Variants in TENT5D observed in about 807,000 individuals in gnomAD.
TENT5D encodes the protein cancer/testis antigen 112.
For missense variants in TENT5D, 191 were observed against 287.0 expected (o/e 0.67, Z 2.42); for synonymous variants, 103 against 100.6 (o/e 1.02, Z -0.15).
chrX:80,385,933 G>A (rs1930989295), intron 3 of TENT5D, among the ~76,000 whole-genome samples: 2 of 112,175 alleles, frequency 1.8e-5, no homozygotes, highest in South Asian at 7.4e-4. Flanking sequence ...ACAGGTGCTG[G>A]AGAGGATGTG....
At chrX:80,387,726 G>A (rs1436539493) in intron 3 of TENT5D, among the ~76,000 whole-genome samples, 4 of 110,804 alleles carry the variant, frequency 3.6e-5, no homozygotes, top group Non-Finnish European at 5.7e-5. Flanking sequence ...ACCCAAGGCC[G>A]AGTATAACCA....
intron 3 of TENT5D, among the ~76,000 whole-genome samples, chrX:80,411,455 A>T (rs1239793624): frequency 8.9e-6 from 1 of 111,768 alleles, no homozygotes; most frequent in South Asian, 3.7e-4. Context: ...GTTTTATTTT[A>T]GGACAAAAAT....
At chrX:80,352,266 C>T (rs1026835682) in intron 3 of TENT5D, among the ~76,000 whole-genome samples, 1 of 111,654 alleles carries the variant, frequency 9.0e-6, no homozygotes, top group African/African-American at 3.3e-5. Flanking sequence ...ACGCCCACAG[C>T]CCCCGCTTCC....
intron 3 of TENT5D, among the ~76,000 whole-genome samples, chrX:80,359,027 T>C (rs1341315559): frequency 1.8e-5 from 2 of 112,096 alleles, no homozygotes; most frequent in Non-Finnish European, 3.8e-5. Context: ...AGTAAACATT[T>C]ATGCTGCCAA....
intron 3 of TENT5D, among the ~76,000 whole-genome samples, chrX:80,373,645 T>A (rs924426002): frequency 1.7e-4 from 19 of 111,070 alleles, no homozygotes; most frequent in African/African-American, 6.2e-4. Flanking sequence ...CTATTCCTCT[T>A]GGTTAATCCT....
chrX:80,406,169 T>G (rs949974988), intron 3 of TENT5D, among the ~76,000 whole-genome samples: 4 of 111,339 alleles, frequency 3.6e-5, no homozygotes, highest in Non-Finnish European at 7.5e-5. Context: ...ACAGAAAAAC[T>G]GGAAACTCTA....
At chrX:80,352,720 CAAAAAAAAAAAAA>C (rs1189877322) in intron 3 of TENT5D, among the ~76,000 whole-genome samples, 6 of 19,915 alleles carry the variant, frequency 3.0e-4, no homozygotes, top group Non-Finnish European at 4.9e-4. Context: ...AGCAAACAAA[CAAAAAAAAAAAAA>C]AAAAAAAAAA....
At chrX:80,438,128 G>T (rs1001021910) in intron 1 of TENT5D, among the ~76,000 whole-genome samples, 3 of 111,009 alleles carry the variant, frequency 2.7e-5, no homozygotes, top group African/African-American at 9.8e-5. Context: ...GAGGGACTAG[G>T]AACTGCTATT....
intron 1 of TENT5D, among the ~76,000 whole-genome samples, chrX:80,431,561 A>T (rs1211681501): frequency 1.8e-5 from 2 of 112,273 alleles, no homozygotes; most frequent in Non-Finnish European, 3.8e-5. Context: ...TGGACAATTT[A>T]CAAAAGGAAG....
intron 2 of TENT5D, among the ~76,000 whole-genome samples, 172 bp downstream of exon 2, chrX:80,438,904 T>C (rs1017526313): frequency 9.0e-6 from 1 of 111,455 alleles, no homozygotes; most frequent in Non-Finnish European, 1.9e-5. Flanking sequence ...CATAGTCTTT[T>C]GTGATATCTT....
At chrX:80,374,863 A>G (rs1602508305) in intron 3 of TENT5D, among the ~76,000 whole-genome samples, 1 of 111,018 alleles carries the variant, frequency 9.0e-6, no homozygotes, top group Admixed American at 9.7e-5. Context: ...AAGCATCCTA[A>G]ATCTGAAAAT....
chrX:80,444,374 A>G (rs895748090), exon 3 of TENT5D: 1 of 122,567 alleles, frequency 8.2e-6, no homozygotes, highest in East Asian at 2.8e-4. Flanking sequence ...TCATCTATAT[A>G]ATAAAACATT....
intron 3 of TENT5D, among the ~76,000 whole-genome samples, chrX:80,404,331 C>CT (rs1931441265): frequency 9.0e-6 from 1 of 111,536 alleles, no homozygotes; most frequent in South Asian, 3.7e-4. Flanking sequence ...CCAGTTAAAT[C>CT]TGTCTCTCAA....
chrX:80,439,660 G>C (rs1932243009), intron 2 of TENT5D, among the ~76,000 whole-genome samples: 1 of 110,721 alleles, frequency 9.0e-6, no homozygotes, highest in South Asian at 3.7e-4. Context: ...GATTATTCAT[G>C]TTAATAGAGG....
In TENT5D at chrX:80,408,584, G is replaced by T. The variant is rs1159577294; in HGVS notation, c.-141-30026G>T. 3.7e-3 allele frequency among the ~76,000 whole-genome samples: 409 copies of T among 110,378 alleles called. 1 individual carries two copies. The highest frequency in any genetic ancestry group is 6.5e-3 in the Non-Finnish European group (340 of 52,612). ...ATCTCTGAATAGACCAATAACACGA[G>T]CTGAAATTGTGGCAATAATCAATAG... On this transcript the variant is annotated intron_variant, in intron 3 of 4. Coordinates refer to the TENT5D transcript ENST00000538312.
At chrX:80,411,136 C>G (rs1338377159) in intron 3 of TENT5D, among the ~76,000 whole-genome samples, 1 of 103,632 alleles carries the variant, frequency 9.6e-6, no homozygotes, top group Non-Finnish European at 2.0e-5. Context: ...GGAGATATAC[C>G]TAATGCTGGA....
At chrX:80,349,603 T>A (rs1569355703) in intron 3 of TENT5D, among the ~76,000 whole-genome samples, 1 of 111,101 alleles carries the variant, frequency 9.0e-6, no homozygotes, top group Admixed American at 9.6e-5. Flanking sequence ...AAAAACAAGC[T>A]CCTGGAATCA....
At chrX:80,352,392 C>T (rs1294351640) in intron 3 of TENT5D, among the ~76,000 whole-genome samples, 1 of 111,525 alleles carries the variant, frequency 9.0e-6, no homozygotes, top group African/African-American at 3.3e-5. Context: ...GGCAATCTGG[C>T]CATAGCCGCT....
At chrX:80,371,852 A>G (rs1271722939) in intron 3 of TENT5D, among the ~76,000 whole-genome samples, 1 of 111,727 alleles carries the variant, frequency 9.0e-6, no homozygotes, top group Non-Finnish European at 1.9e-5. Flanking sequence ...CTTTCTTATC[A>G]TTGCATTCAC....
Sources: gnomAD v4.1 joint callset for allele counts (sites outside exome capture counted in the v4.1 genomes callset) on GRCh38, gnomAD v4.1.1 for gene constraint, MANE v1.5 for transcripts, NCBI Gene and HGNC (gene_info 2026-07-23, HGNC 2026-07-21) for gene names.